The following USP15 variants were observed in gnomAD, a reference collection of about 807,000 sequenced individuals.
USP15 encodes ubiquitin carboxyl-terminal hydrolase 15.
Under a neutral mutation model 127.1 loss-of-function variants are expected in USP15, and 18 were observed. The ratio of observed to expected loss-of-function variants is 0.14; its 90% CI spans 0.10 to 0.21. USP15 has a LOEUF of 0.21. Among genes scored for constraint, USP15 ranks in the 10% least tolerant of loss-of-function variants. The pLI, the probability that USP15 is intolerant of heterozygous loss-of-function variation, is 1.00. For missense variants in USP15, 805 were observed against 1,159.9 expected (o/e 0.69, Z 4.44); for synonymous variants, 364 against 393.7 (o/e 0.92, Z 0.89).
Position 62,408,862 on chromosome 12 carries a change from A to ATGTGTTTAATT in USP15, c.*4487_*4488insTGTGTTTAATT, listed in dbSNP as rs1409702086. ...TTTCAATTCAATATGTATGTGTTTT[A>ATGTGTTTAATT]CGTGTTTAATTCGTATTTACTATAT... On this transcript the variant is annotated 3_prime_UTR_variant, in exon 22 of 22. Transcript: ENST00000280377. 2 of 151,978 alleles carry ATGTGTTTAATT rather than the reference A, an allele frequency of 1.3e-5. No individual in the cohort carries two copies. The highest frequency in any genetic ancestry group is 6.6e-5 in the Admixed American group (1 of 15,244). The allele number at this position is 151,978 out of a possible 1,614,324, so 9.4% of individuals were successfully genotyped here. A position where few individuals can be genotyped will look rare whatever the true frequency, so the allele number is the denominator to read the frequency against.
intron 6 of USP15, among the ~76,000 whole-genome samples, chr12:62,331,054 T>A (rs576027805): frequency 3.8e-4 from 57 of 151,956 alleles, no homozygotes; most frequent in Non-Finnish European, 7.9e-4. Context: ...GATATTAAGA[T>A]ACAGAACAGT....
At chr12:62,324,963 G>T (rs1453347836) in intron 5 of USP15, among the ~76,000 whole-genome samples, 3 of 151,858 alleles carry the variant, frequency 2.0e-5, no homozygotes. Flanking sequence ...TAAATGAAAT[G>T]TATTCAAATT....
intron 1 of USP15, among the ~76,000 whole-genome samples, chr12:62,264,319 T>C (rs1453996881): frequency 1.3e-5 from 2 of 152,190 alleles, no homozygotes; most frequent in African/African-American, 4.8e-5. Flanking sequence ...GGGCCTATTA[T>C]GAGTAAGTAA....
chr12:62,344,930 T>G (rs1360931419), intron 6 of USP15, among the ~76,000 whole-genome samples: 1 of 152,180 alleles, frequency 6.6e-6, no homozygotes, highest in Admixed American at 6.5e-5. Flanking sequence ...AGCAGGGTGG[T>G]CCTGGGCCCA....
At position 62,382,030 on chromosome 12, in the gene USP15, T is replaced by C. The variant is rs200469130; in HGVS notation, c.1089+367T>C. ...CTGGAAAACCTATGTGAATATTCTA[T>C]ACAAATGTAAAAGACTAAATTTGGG... is the stretch of plus-strand genomic sequence containing the variant. On this transcript the variant is annotated intron_variant, in intron 9 of 21. Transcript: ENST00000280377. Among the ~76,000 whole-genome samples the C allele has an allele frequency of 2.6e-5, 4 of 152,150 alleles. No individual in the cohort carries two copies. In the East Asian group the frequency reaches 7.7e-4, roughly 29 times the overall value.
Position 62,355,334 on chromosome 12 carries a change from GA to G in USP15, c.779del (p.Asn260ThrfsTer32). ...ATGAAAATTTTTTTTCTTCCAGTGT[GA>G]AAAACTCAAATTACTGTCTTCCATC... ...NYNNMNNRNVKNSNYCLPSYT... is the reference protein window; with the variant it reads ...NYNNMNNRNVXNSNYCLPSYT... On this transcript the variant is annotated frameshift_variant, in exon 8 of 22. Coordinates refer to ENST00000280377, the MANE Select transcript of USP15 (RefSeq NM_001252078.2). LOFTEE classifies it high-confidence loss of function. The G allele has an allele frequency of 6.3e-7, 1 of 1,585,138 alleles. No homozygotes were observed. Among genetic ancestry groups the G allele is most frequent in the Non-Finnish European group, 8.6e-7 (1 of 1,169,282 alleles).
intron 1 of USP15, among the ~76,000 whole-genome samples, chr12:62,272,163 T>C (rs1165044681): frequency 6.6e-6 from 1 of 151,882 alleles, no homozygotes; most frequent in African/African-American, 2.4e-5. Context: ...CAAATATAAT[T>C]TAAGCATTTT....
At chr12:62,330,933 G>GAAAA (rs36008434) in intron 6 of USP15, among the ~76,000 whole-genome samples, 1 of 120,318 alleles carries the variant, frequency 8.3e-6, no homozygotes, top group Non-Finnish European at 1.7e-5. Context: ...CTCCAAAAAG[G>GAAAA]AAAAAAAAAA....
At chr12:62,404,159 A>C (rs376028671) in intron 21 of USP15, 34 bp from the exon 22 acceptor site, 2 of 1,532,838 alleles carry the variant, frequency 1.3e-6, no homozygotes, top group South Asian at 2.6e-5. Flanking sequence ...ATCTTTGAGA[A>C]TCATAACTGT....
At chr12:62,398,571 A>C (rs2067573912) in intron 20 of USP15, among the ~76,000 whole-genome samples, 1 of 152,150 alleles carries the variant, frequency 6.6e-6, no homozygotes. Flanking sequence ...TCATTTAATC[A>C]TATGCTTAGT....
At chr12:62,357,974 A>C (rs2066189187) in intron 8 of USP15, among the ~76,000 whole-genome samples, 1 of 152,114 alleles carries the variant, frequency 6.6e-6, no homozygotes, top group Non-Finnish European at 1.5e-5. Context: ...TTTCTTCAGT[A>C]TGCTTTTTTC....
Position 62,392,417 on chromosome 12 carries a change from G to A in USP15, c.2420+30G>A, listed in dbSNP as rs775497921. ...GAGACAAAATTAAATAATTGTTTTTGTTTTCTTTAAGGATTTATTCTGAGA... is the reference window on the plus strand; with the variant it reads ...GAGACAAAATTAAATAATTGTTTTTATTTTCTTTAAGGATTTATTCTGAGA... On this transcript the variant is annotated intron_variant, in intron 18 of 21. Coordinates refer to ENST00000280377, the MANE Select transcript of USP15 (RefSeq NM_001252078.2). The A allele has an allele frequency of 2.0e-6, 3 of 1,500,726 alleles. No homozygotes were observed. In the African/African-American group the frequency reaches 4.2e-5, roughly 21 times the overall value. The allele number at this position is 1,500,726 out of a possible 1,614,324, so 93.0% of individuals were successfully genotyped here. A position where few individuals can be genotyped will look rare whatever the true frequency, so the allele number is the denominator to read the frequency against.
chr12:62,296,858 G>A (rs779917214), intron 2 of USP15, among the ~76,000 whole-genome samples: 6 of 152,194 alleles, frequency 3.9e-5, no homozygotes, highest in East Asian at 1.9e-4. Flanking sequence ...GGGAGATCAC[G>A]TGCTTAATTT....
chr12:62,412,662 C>T lies in USP15; in HGVS notation c.*8287C>T, dbSNP rs1235873949. On this transcript the variant is annotated 3_prime_UTR_variant, in exon 22 of 22. Coordinates refer to ENST00000280377, the MANE Select transcript of USP15 (RefSeq NM_001252078.2). ...CAAGAAACTACTTTCCTTGCCCACC[C>T]ATAAGAAGCAACTTATCATCTGTTC... 6.6e-6 allele frequency: 1 copy of T among 152,436 alleles called. No individual in the cohort carries two copies. The highest frequency in any genetic ancestry group is 1.5e-5 in the Non-Finnish European group (1 of 68,222). 9.4% of individuals were successfully genotyped at this position (152,436 alleles called of 1,614,324 possible).
rs1196301516 is a variant in USP15 at position 62,411,726 on chromosome 12, A to G, written c.*7351A>G. On this transcript the variant is annotated 3_prime_UTR_variant, in exon 22 of 22. Transcript: ENST00000280377. ...GAAATTTATATTTTCACAGTTCTGGAGGCTGGGAATCTGAGATCAGGGTAC... is the reference window on the plus strand; with the variant it reads ...GAAATTTATATTTTCACAGTTCTGGGGGCTGGGAATCTGAGATCAGGGTAC... 3 of 152,204 alleles carry G rather than the reference A, an allele frequency of 2.0e-5. No individual in the cohort carries two copies. Among genetic ancestry groups the G allele is most frequent in the Admixed American group, 2.0e-4 (3 of 15,268 alleles). 9.4% of individuals were successfully genotyped at this position (152,204 alleles called of 1,614,324 possible).
At chr12:62,341,360 G>A (rs2065642610) in intron 6 of USP15, among the ~76,000 whole-genome samples, 1 of 152,090 alleles carries the variant, frequency 6.6e-6, no homozygotes, top group African/African-American at 2.4e-5. Context: ...TTTAATTGGG[G>A]CATTTAGCCC....
In USP15 at chr12:62,414,493, A is replaced by G. The variant is rs1331381962; in HGVS notation, c.*10118A>G. The G allele has an allele frequency of 6.6e-6, 1 of 152,220 alleles. No individual in the cohort carries two copies. The highest frequency in any genetic ancestry group is 1.5e-5 in the Non-Finnish European group (1 of 68,084). 9.4% of individuals were successfully genotyped at this position (152,220 alleles called of 1,614,324 possible). A position where few individuals can be genotyped will look rare whatever the true frequency, so the allele number is the denominator to read the frequency against. ...GTAGCTGGGTCTACAGGCATGTGCC[A>G]CCACACCACACCTGGCTAATTTTTG... On this transcript the variant is annotated 3_prime_UTR_variant, in exon 22 of 22. Transcript: ENST00000280377.
intron 1 of USP15, among the ~76,000 whole-genome samples, chr12:62,264,252 G>A (rs565058273): frequency 1.4e-4 from 22 of 152,298 alleles, no homozygotes; most frequent in East Asian, 3.9e-4. Context: ...CCAGAGGGCC[G>A]GGATTACAGG....
intron 8 of USP15, among the ~76,000 whole-genome samples, chr12:62,368,276 G>A (rs1186459121): frequency 6.6e-6 from 1 of 152,304 alleles, no homozygotes; most frequent in Non-Finnish European, 1.5e-5. Flanking sequence ...CAAGAAGAAT[G>A]TATGTTTTGT....
Sources: allele counts gnomAD v4.1 joint callset (sites outside exome capture counted in the v4.1 genomes callset), GRCh38; gene constraint gnomAD v4.1.1; transcripts MANE v1.5; gene names NCBI Gene and HGNC (gene_info 2026-07-23, HGNC 2026-07-21).